The following PDK3 variants were observed in gnomAD, a reference collection of about 807,000 sequenced individuals.
The protein encoded by PDK3 is pyruvate dehydrogenase kinase, isozyme 3.
PDK3 carries 12 observed loss-of-function variants against 32.0 expected under a neutral mutation model. That is an observed-to-expected ratio of 0.37 (90% CI 0.24 to 0.61). The LOEUF is 0.61. PDK3 is among the 20% of genes least tolerant of loss of function. The pLI is 0.65. For synonymous variants in PDK3, 122 were observed against 116.3 expected, an observed-to-expected ratio of 1.05 and a Z score of -0.31; for missense variants, 188 against 316.9, an observed-to-expected ratio of 0.59 and a Z score of 3.09.
downstream of PDK3, among the ~76,000 whole-genome samples, chrX:24,538,211 A>G (rs1410606218): frequency 8.9e-6 from 1 of 112,515 alleles, no homozygotes; most frequent in East Asian, 2.8e-4. Flanking sequence ...TGAAGGTTGT[A>G]TGCTGATTAT....
intron 1 of PDK3, among the ~76,000 whole-genome samples, chrX:24,471,545 G>A (rs1181491078): frequency 8.9e-6 from 1 of 112,247 alleles, no homozygotes; most frequent in South Asian, 3.7e-4. Flanking sequence ...CGAAAAGAAG[G>A]TTATACTCTC....
At chrX:24,475,640 T>C (rs951705782) in intron 1 of PDK3, among the ~76,000 whole-genome samples, 47 of 107,173 alleles carry the variant, frequency 4.4e-4, no homozygotes, top group African/African-American at 1.5e-3. Context: ...GCCTGGACAA[T>C]AGAGCAAGAC....
intron 6 of PDK3, among the ~76,000 whole-genome samples, chrX:24,520,330 C>T (rs1309458768): frequency 1.8e-5 from 2 of 112,212 alleles, no homozygotes; most frequent in African/African-American, 3.2e-5. Flanking sequence ...AATTGTGGTA[C>T]ACCCATTAGA....
At chrX:24,538,025 C>T (rs915791244), downstream of PDK3, among the ~76,000 whole-genome samples, 7 of 112,241 alleles carry the variant, frequency 6.2e-5, no homozygotes, top group East Asian at 2.8e-4. Flanking sequence ...TGTTGAGCAT[C>T]GATGTGACCA....
intron 5 of PDK3, among the ~76,000 whole-genome samples, chrX:24,507,964 T>C (rs1033972764): frequency 2.7e-5 from 3 of 111,781 alleles, no homozygotes; most frequent in African/African-American, 9.8e-5. Flanking sequence ...GCACATGGGC[T>C]CATTATACTA....
chrX:24,539,423 T>G (rs914437545), exon 12 of PDK3: 1 of 345,025 alleles, frequency 2.9e-6, no homozygotes, highest in Non-Finnish European at 5.0e-6. Flanking sequence ...GCACAGAGCC[T>G]CCTTACAGCT....
intron 6 of PDK3, among the ~76,000 whole-genome samples, chrX:24,520,024 C>G (rs1039581680): frequency 2.7e-5 from 3 of 111,772 alleles, no homozygotes; most frequent in Non-Finnish European, 5.6e-5. Flanking sequence ...GAAACCCCAT[C>G]TCTACAAAAA....
chrX:24,548,109 A>C (rs1337787277), exon 12 of PDK3: 1 of 112,278 alleles, frequency 8.9e-6, no homozygotes, highest in African/African-American at 3.2e-5. Flanking sequence ...ACTCTATTAC[A>C]GTGTGTTCAG....
chrX:24,520,647 C>T (rs951143188), intron 6 of PDK3, among the ~76,000 whole-genome samples: 2 of 111,831 alleles, frequency 1.8e-5, no homozygotes, highest in African/African-American at 3.3e-5. Flanking sequence ...AGGGAAATCC[C>T]CCACAACTTT....
Position 24,503,484 on chromosome X carries a change from T to G in PDK3, c.478T>G (p.Ser160Ala). 1 of 1,196,428 alleles carries G rather than the reference T, an allele frequency of 8.4e-7. No individual in the cohort carries two copies. Among genetic ancestry groups the G allele is most frequent in the Non-Finnish European group, 1.1e-6 (1 of 887,549 alleles). ...GGATCGGTTTTATACCAACCGCATC[T>G]CTTTCCGCATGCTTATTAATCAGCA... is the stretch of plus-strand genomic sequence containing the variant. Reference protein sequence around the residue: ...FLDRFYTNRISFRMLINQHTL... With the variant: ...FLDRFYTNRIAFRMLINQHTL... The change falls in exon 4 of 11, where the codon TCT (serine) becomes GCT (alanine). Residue 160 changes from serine to alanine, a missense_variant. Coordinates refer to ENST00000379162, the MANE Select transcript of PDK3 (RefSeq NM_005391.5).
At chrX:24,514,558 A>G (rs1168327827) in intron 5 of PDK3, among the ~76,000 whole-genome samples, 2 of 112,287 alleles carry the variant, frequency 1.8e-5, no homozygotes, top group African/African-American at 6.5e-5. Context: ...AAAGCTTATT[A>G]TAAGTAGAAT....
In PDK3 at chrX:24,527,587, C is replaced by T. The variant is rs756972308; in HGVS notation, c.764C>T (p.Ala255Val). Residue 255 changes from alanine to valine, a missense_variant, in exon 8 of 11, where the codon GCG (alanine) becomes GTG (valine). Ala to Val is a moderately conservative substitution (Grantham distance 64). Coordinates refer to ENST00000379162, the MANE Select transcript of PDK3 (RefSeq NM_005391.5). Reference sequence around the variant, plus strand: ...TTATTATTTTAGAACTCAATGAGAGCGACAGTTGAACTCTATGAAGACAGA... The same window carrying T: ...TTATTATTTTAGAACTCAATGAGAGTGACAGTTGAACTCTATGAAGACAGA... The part of the protein sequence containing the change: ...LFELFKNSMR[A>V]TVELYEDRKE... 7.8e-6 allele frequency: 9 copies of T among 1,155,376 alleles called. No individual in the cohort carries two copies. The Admixed American group carries it at 1.4e-4, about 18-fold the overall frequency.
intron 1 of PDK3, among the ~76,000 whole-genome samples, chrX:24,478,229 G>A (rs1253418762): frequency 4.5e-5 from 5 of 111,224 alleles, no homozygotes; most frequent in African/African-American, 1.6e-4. Flanking sequence ...TGAATCACTT[G>A]AGGTCAGGAG....
exon 12 of PDK3, among the ~76,000 whole-genome samples, chrX:24,545,009 T>G (rs1336456638): frequency 8.9e-6 from 1 of 112,474 alleles, no homozygotes; most frequent in East Asian, 2.8e-4. Context: ...CCTGTCTCAT[T>G]GATTAGAGAT....
intron 1 of PDK3, among the ~76,000 whole-genome samples, chrX:24,487,365 A>G (rs1057212226): frequency 7.1e-5 from 8 of 111,987 alleles, no homozygotes; most frequent in African/African-American, 2.3e-4. Flanking sequence ...GACAACAGAC[A>G]CTGTAAACTA....
chrX:24,505,794 G>A (rs763014444), intron 5 of PDK3, among the ~76,000 whole-genome samples: 1 of 111,710 alleles, frequency 9.0e-6, no homozygotes, highest in Non-Finnish European at 1.9e-5. Flanking sequence ...CCCTATATCC[G>A]TAAGTCCCTG....
At chrX:24,514,163 T>C (rs1252416351) in intron 5 of PDK3, among the ~76,000 whole-genome samples, 2 of 112,411 alleles carry the variant, frequency 1.8e-5, no homozygotes, top group Non-Finnish European at 1.9e-5. Flanking sequence ...ATCTGTTCAA[T>C]TTTCCTGTGT....
At chrX:24,492,783 C>T (rs1019244421) in intron 1 of PDK3, among the ~76,000 whole-genome samples, 6 of 110,420 alleles carry the variant, frequency 5.4e-5, no homozygotes, top group Non-Finnish European at 9.5e-5. Context: ...GGGTGGATCA[C>T]GAGTCAGGAG....
At chrX:24,519,332 T>C (rs1922336661) in intron 6 of PDK3, among the ~76,000 whole-genome samples, 1 of 106,488 alleles carries the variant, frequency 9.4e-6, no homozygotes, top group Non-Finnish European at 1.9e-5. Context: ...ACTTCACTAA[T>C]CAAGGAAGTG....
Sources: allele counts gnomAD v4.1 joint callset (sites outside exome capture counted in the v4.1 genomes callset), GRCh38; gene constraint gnomAD v4.1.1; transcripts MANE v1.5; gene names NCBI Gene and HGNC (gene_info 2026-07-23, HGNC 2026-07-21).